Variants in MID1 observed in about 807,000 individuals in gnomAD.
The protein encoded by MID1 is E3 ubiquitin-protein ligase Midline-1.
MID1 carries 7 observed loss-of-function variants against 40.4 expected under a neutral mutation model. The ratio of observed to expected loss-of-function variants is 0.17; its 90% CI spans 0.10 to 0.33. The LOEUF (loss-of-function observed/expected upper bound fraction) is 0.33. Among genes scored for constraint, MID1 ranks in the 10% least tolerant of loss-of-function variants. MID1 has a pLI of 1.00. For synonymous variants in MID1, 229 were observed against 221.2 expected (o/e 1.04, Z -0.31); for missense variants, 367 against 558.5 (o/e 0.66, Z 3.46).
At chrX:10,803,982 T>G (rs1311479514) in intron 1 of MID1, among the ~76,000 whole-genome samples, 2 of 111,878 alleles carry the variant, frequency 1.8e-5, no homozygotes, top group African/African-American at 6.5e-5. Flanking sequence ...GGTTTGCATT[T>G]CCATTTGGGA....
At chrX:10,592,207 A>C (rs1230014944) in intron 1 of MID1, among the ~76,000 whole-genome samples, 3 of 102,294 alleles carry the variant, frequency 2.9e-5, no homozygotes, top group African/African-American at 1.1e-4. Context: ...GTTCCTCAAA[A>C]CTGCTGAATG....
intron 4 of MID1, among the ~76,000 whole-genome samples, chrX:10,483,180 G>T (rs1305660028): frequency 8.9e-6 from 1 of 112,098 alleles, no homozygotes; most frequent in Non-Finnish European, 1.9e-5. Flanking sequence ...CAGAAAGGGA[G>T]CATTTTTCCC....
At chrX:10,547,411 A>G (rs186800138) in intron 2 of MID1, among the ~76,000 whole-genome samples, 8 of 109,107 alleles carry the variant, frequency 7.3e-5, no homozygotes, top group Non-Finnish European at 1.3e-4. Flanking sequence ...TGTCTCTACT[A>G]AAAATACAAA....
At chrX:10,552,025 A>G (rs778192873) in intron 2 of MID1, among the ~76,000 whole-genome samples, 1 of 110,797 alleles carries the variant, frequency 9.0e-6, no homozygotes, top group Non-Finnish European at 1.9e-5. Flanking sequence ...CCTGGGCTCA[A>G]GCGATTCTCC....
intron 1 of MID1, among the ~76,000 whole-genome samples, chrX:10,666,426 A>C (rs1332999226): frequency 1.9e-5 from 2 of 105,670 alleles, no homozygotes; most frequent in Non-Finnish European, 3.9e-5. Context: ...AAAAAAAAGC[A>C]AATAGAAGAA....
intron 1 of MID1, among the ~76,000 whole-genome samples, chrX:10,642,823 C>A (rs1474203619): frequency 9.1e-6 from 1 of 110,039 alleles, no homozygotes; most frequent in Non-Finnish European, 1.9e-5. Flanking sequence ...GAGATATAGA[C>A]CAATGGAACA....
intron 1 of MID1, among the ~76,000 whole-genome samples, chrX:10,618,341 CAAAT>C (rs1236090497): frequency 8.9e-6 from 1 of 112,007 alleles, no homozygotes; most frequent in Non-Finnish European, 1.9e-5. Flanking sequence ...AAGAGAAACT[CAAAT>C]AAAGTAGGGA....
rs747240312 is a variant in MID1, at chrX:10,783,592, T to C, written c.-187+49962A>G. 2.7e-5 allele frequency among the ~76,000 whole-genome samples: 3 copies of C among 112,031 alleles called. No homozygotes were observed. In the South Asian group the frequency reaches 1.1e-3, roughly 42 times the overall value. ...AACAACCATGTAATTGAATTAAATG[T>C]ACAGGAAACCAGAAAGAAAAGTCCT... On this transcript the variant is annotated intron_variant, in intron 1 of 10. Coordinates refer to the MID1 transcript ENST00000380785.
intron 1 of MID1, among the ~76,000 whole-genome samples, chrX:10,615,926 C>T (rs761645656): frequency 8.9e-6 from 1 of 112,519 alleles, no homozygotes; most frequent in South Asian, 3.7e-4. Flanking sequence ...CTGGCTTTAT[C>T]GCCCTTTCTT....
At chrX:10,817,735 T>C (rs768911471) in intron 1 of MID1, among the ~76,000 whole-genome samples, 6 of 107,945 alleles carry the variant, frequency 5.6e-5, no homozygotes, top group Non-Finnish European at 9.6e-5. Flanking sequence ...TTCTCGTGCT[T>C]CAGCCGCCTG....
rs1339580984 is a variant in MID1, at chrX:10,804,769, G to C, written c.-187+28785C>G. On this transcript the variant is annotated intron_variant, in intron 1 of 10. Transcript: ENST00000380785. Reference sequence around the variant, plus strand: ...TCTTAGGTGAGACAGGAAAGCTACAGAGGGCTGGAATAAGGTAATTTTTCT... The same window carrying C: ...TCTTAGGTGAGACAGGAAAGCTACACAGGGCTGGAATAAGGTAATTTTTCT... 5.4e-5 allele frequency among the ~76,000 whole-genome samples: 6 copies of C among 111,289 alleles called. No homozygotes were observed. In the Admixed American group the frequency reaches 5.8e-4, roughly 11 times the overall value.
intron 1 of MID1, among the ~76,000 whole-genome samples, chrX:10,602,451 A>G (rs1459076111): frequency 1.8e-5 from 2 of 109,565 alleles, no homozygotes; most frequent in Admixed American, 9.7e-5. Context: ...AAGAAACCCC[A>G]TACCCATTAG....
At chrX:10,589,581 T>A (rs1935230004) in intron 1 of MID1, 1 of 111,327 alleles carries the variant, frequency 9.0e-6, no homozygotes, top group African/African-American at 3.3e-5. Context: ...CAAAGACTAG[T>A]CTTACCAAGT....
At chrX:10,534,978 T>C (rs754969294) in intron 2 of MID1, among the ~76,000 whole-genome samples, 1 of 112,791 alleles carries the variant, frequency 8.9e-6, no homozygotes, top group Non-Finnish European at 1.9e-5. Flanking sequence ...CCTTTGTCCC[T>C]GACTTCATCA....
chrX:10,726,507 G>GA (rs777441664), intron 1 of MID1, among the ~76,000 whole-genome samples: 265 of 101,419 alleles, frequency 2.6e-3, no homozygotes, highest in South Asian at 9.5e-3. Flanking sequence ...TTTCTCTGAG[G>GA]AAAAAAAAAA....
intron 1 of MID1, among the ~76,000 whole-genome samples, chrX:10,591,634 G>A (rs1211193045): frequency 1.8e-5 from 2 of 111,117 alleles, no homozygotes; most frequent in Admixed American, 1.9e-4. Context: ...AGCACCGACT[G>A]CCAAAACATC....
chrX:10,543,671 G>A (rs903465191), intron 2 of MID1, among the ~76,000 whole-genome samples: 3 of 109,415 alleles, frequency 2.7e-5, no homozygotes, highest in East Asian at 2.9e-4. Context: ...GGTGAAACGC[G>A]GTCTCTACTA....
intron 2 of MID1, among the ~76,000 whole-genome samples, chrX:10,536,383 T>C (rs1422013286): frequency 8.8e-6 from 1 of 113,052 alleles, no homozygotes; most frequent in Non-Finnish European, 1.9e-5. Flanking sequence ...CCCAATAGCA[T>C]TCATTTGTTT....
intron 1 of MID1, among the ~76,000 whole-genome samples, chrX:10,574,249 G>A (rs148547186): frequency 3.2e-3 from 351 of 111,374 alleles, no homozygotes; most frequent in African/African-American, 0.011. Flanking sequence ...TCAGAATGAT[G>A]AGATATGACA....
Sources: gnomAD v4.1 joint callset for allele counts (sites outside exome capture counted in the v4.1 genomes callset) on GRCh38, gnomAD v4.1.1 for gene constraint, MANE v1.5 for transcripts, NCBI Gene and HGNC (gene_info 2026-07-23, HGNC 2026-07-21) for gene names.